Variants in PKHD1 observed in about 807,000 individuals in gnomAD.
PKHD1 encodes PKHD1 ciliary IPT domain containing fibrocystin/polyductin.
PKHD1 carries 291 observed loss-of-function variants against 412.0 expected under a neutral mutation model. That is an observed-to-expected ratio of 0.71 (90% CI 0.64 to 0.78). PKHD1 has a LOEUF of 0.78. Ranked by LOEUF, PKHD1 falls within the 30% of genes least tolerant of loss-of-function variation. PKHD1 has a pLI of 0.00. For synonymous variants in PKHD1, 1,777 were observed against 1,821.5 expected, an observed-to-expected ratio of 0.98 and a Z score of 0.62; for missense variants, 4,825 against 4,950.7, an observed-to-expected ratio of 0.97 and a Z score of 0.76.
At chr6:51,973,662 C>T (rs1297821336) in intron 35 of PKHD1, among the ~76,000 whole-genome samples, 1 of 152,186 alleles carries the variant, frequency 6.6e-6, no homozygotes, top group Non-Finnish European at 1.5e-5. Context: ...TTATCAAAGA[C>T]CACAACACCT....
chr6:51,849,052 C>T (rs1771723212), intron 49 of PKHD1, among the ~76,000 whole-genome samples: 1 of 151,854 alleles, frequency 6.6e-6, no homozygotes, highest in African/African-American at 2.4e-5. Flanking sequence ...TCCCTCCCCT[C>T]ACCTCCTACC....
At chr6:51,769,082 G>T (rs1789611850) in intron 55 of PKHD1, among the ~76,000 whole-genome samples, 1 of 147,726 alleles carries the variant, frequency 6.8e-6, no homozygotes, top group Non-Finnish European at 1.5e-5. Flanking sequence ...TGCTTTGTTT[G>T]TTGCTTTTTT....
chr6:51,772,587 A>G lies in PKHD1; in HGVS notation c.8642+115T>C, dbSNP rs1324403725. ...TAATCGCTTATTTTTCTACTTGCTC[A>G]TCCTTTAATTATAATGTTTAACCTA... On this transcript the variant is annotated intron_variant, in intron 55 of 66. Transcript: ENST00000371117. The G allele has an allele frequency of 2.4e-5, 14 of 581,058 alleles. No homozygotes were observed. In the Admixed American group the frequency reaches 3.9e-4, roughly 16 times the overall value. 36.0% of individuals were successfully genotyped at this position (581,058 alleles called of 1,614,324 possible).
At chr6:51,734,062 C>G (rs1783543484) in intron 60 of PKHD1, among the ~76,000 whole-genome samples, 1 of 152,160 alleles carries the variant, frequency 6.6e-6, no homozygotes, top group Non-Finnish European at 1.5e-5. Context: ...CAATATTTCC[C>G]AGAATGTGTT....
chr6:51,845,490 C>T (rs1770980872), intron 50 of PKHD1, among the ~76,000 whole-genome samples: 1 of 152,224 alleles, frequency 6.6e-6, no homozygotes, highest in Non-Finnish European at 1.5e-5. Context: ...GTTTGTTAAA[C>T]ATTCAACAAA....
At chr6:52,000,824 T>C (rs1382399317) in intron 35 of PKHD1, among the ~76,000 whole-genome samples, 1 of 152,220 alleles carries the variant, frequency 6.6e-6, no homozygotes, top group Non-Finnish European at 1.5e-5. Flanking sequence ...CCTTATTTAC[T>C]GATAACATAT....
chr6:52,057,034 A>T (rs189491407), intron 16 of PKHD1, 55 bp from the exon 17 acceptor site: 6 of 1,146,044 alleles, frequency 5.2e-6, no homozygotes, highest in Non-Finnish European at 4.0e-6. Context: ...AGCCAGAGAG[A>T]CAATCTAAGA....
At chr6:51,864,458 A>T (rs1451499042) in intron 48 of PKHD1, among the ~76,000 whole-genome samples, 1 of 152,172 alleles carries the variant, frequency 6.6e-6, no homozygotes. Context: ...GAAGGAGAGT[A>T]GTAGAAAGAC....
chr6:51,768,986 T>C lies in PKHD1; in HGVS notation c.8642+3716A>G, dbSNP rs539133950. 3.3e-5 allele frequency among the ~76,000 whole-genome samples: 5 copies of C among 151,836 alleles called. No individual in the cohort carries two copies. The East Asian group carries it at 9.7e-4, about 29-fold the overall frequency. ...ATTGGTCATGTTCTTAATCTTCACA[T>C]CTGGTATTAAGGTAAATTATATGAA... On this transcript the variant is annotated intron_variant, in intron 55 of 66. Coordinates refer to ENST00000371117, the MANE Select transcript of PKHD1 (RefSeq NM_138694.4).
At position 51,748,114 on chromosome 6, in the gene PKHD1, C is replaced by A; in HGVS notation, c.9502G>T (p.Glu3168Ter). Residue 3168 changes from glutamate (E) to a stop codon, truncating the protein, a stop_gained, in exon 58 of 67, where the codon GAG (glutamate) becomes TAG (stop). Coordinates refer to ENST00000371117, the MANE Select transcript of PKHD1 (RefSeq NM_138694.4). LOFTEE classifies it high-confidence loss of function. ...MLHVENSVEIENITLVDNTIG... is the reference protein window; with the variant it reads ...MLHVENSVEI The stretch of plus-strand genomic sequence containing the variant: ...GTATTGTCTACCAGAGTAATGTTCT[C>A]TATCTCCACGCTGTTCTCTACATGT... 1 of 1,614,018 alleles carries A rather than the reference C, an allele frequency of 6.2e-7. No homozygotes were observed. Among genetic ancestry groups the A allele is most frequent in the Non-Finnish European group, 8.5e-7 (1 of 1,179,894 alleles).
intron 48 of PKHD1, among the ~76,000 whole-genome samples, chr6:51,859,332 C>A (rs1773809824): frequency 6.6e-6 from 1 of 152,068 alleles, no homozygotes; most frequent in East Asian, 1.9e-4. Flanking sequence ...CGAGACCATC[C>A]TGGCTAACAC....
chr6:51,930,842 C>G (rs997076321), intron 37 of PKHD1, among the ~76,000 whole-genome samples: 15 of 152,042 alleles, frequency 9.9e-5, no homozygotes, highest in African/African-American at 3.4e-4. Context: ...AGCAGCTGCA[C>G]CAAGAGAGAT....
chr6:52,054,813 C>CA (rs1195949888), intron 19 of PKHD1, among the ~76,000 whole-genome samples: 2 of 152,174 alleles, frequency 1.3e-5, no homozygotes, highest in Non-Finnish European at 2.9e-5. Flanking sequence ...CCCTGGGGGG[C>CA]AAAATCACCT....
intron 36 of PKHD1, among the ~76,000 whole-genome samples, chr6:51,943,710 T>C (rs9370087): frequency 0.35 from 53,139 of 151,172 alleles, 11,039 homozygotes; most frequent in East Asian, 0.76. Flanking sequence ...CATTCTTTTT[T>C]CAATTCATAC....
chr6:51,929,401 A>T (rs763146600), intron 37 of PKHD1, among the ~76,000 whole-genome samples: 4 of 152,192 alleles, frequency 2.6e-5, no homozygotes, highest in Non-Finnish European at 5.9e-5. Context: ...TTGAACACAA[A>T]TATATAACAG....
intron 58 of PKHD1, among the ~76,000 whole-genome samples, chr6:51,747,127 T>C (rs773287487): frequency 6.6e-6 from 1 of 152,200 alleles, no homozygotes; most frequent in Non-Finnish European, 1.5e-5. Context: ...AAGAGCAATA[T>C]GGCTTTTCAT....
chr6:52,023,208 T>C (rs547840517), intron 32 of PKHD1, among the ~76,000 whole-genome samples: 3 of 152,240 alleles, frequency 2.0e-5, no homozygotes, highest in African/African-American at 2.4e-5. Flanking sequence ...AAATTAATGC[T>C]TATTTATAGT....
intron 11 of PKHD1, among the ~76,000 whole-genome samples, chr6:52,067,826 A>T (rs1377051235): frequency 6.6e-6 from 1 of 152,148 alleles, no homozygotes; most frequent in East Asian, 1.9e-4. Context: ...CCCCATTTCC[A>T]GTAGGGGATA....
chr6:51,684,073 C>T (rs1009454201), intron 60 of PKHD1, among the ~76,000 whole-genome samples: 12 of 152,038 alleles, frequency 7.9e-5, no homozygotes, highest in African/African-American at 1.2e-4. Flanking sequence ...TACCATGTTC[C>T]AGCTATTCTG....
Sources: gnomAD v4.1 joint callset for allele counts (sites outside exome capture counted in the v4.1 genomes callset) on GRCh38, gnomAD v4.1.1 for gene constraint, MANE v1.5 for transcripts, NCBI Gene and HGNC (gene_info 2026-07-23, HGNC 2026-07-21) for gene names.